The following DGAT2L6 variants were observed in gnomAD, a reference collection of about 807,000 sequenced individuals.
DGAT2L6 encodes diacylglycerol O-acyltransferase 2-like protein 6.
Under a neutral mutation model 25.5 loss-of-function variants are expected in DGAT2L6, and 22 were observed. That is an observed-to-expected ratio of 0.86 (90% CI 0.62 to 1.23). DGAT2L6 has a LOEUF of 1.23. Ranked by LOEUF, DGAT2L6 falls within the 50% of genes most tolerant of loss-of-function variation. The pLI, the probability that DGAT2L6 is intolerant of heterozygous loss-of-function variation, is 0.00. For synonymous variants in DGAT2L6, 100 were observed against 94.7 expected (o/e 1.06, Z -0.32); for missense variants, 287 against 253.2 (o/e 1.13, Z -0.91).
At chrX:70,196,844 A>G (rs2085393722) in intron 1 of DGAT2L6, among the ~76,000 whole-genome samples, 1 of 112,478 alleles carries the variant, frequency 8.9e-6, no homozygotes, top group Admixed American at 9.4e-5. Flanking sequence ...AAAAGATTTG[A>G]ATGGACACTT....
chrX:70,196,369 C>T (rs2085390945), intron 1 of DGAT2L6, among the ~76,000 whole-genome samples: 4 of 106,102 alleles, frequency 3.8e-5, no homozygotes, highest in African/African-American at 6.9e-5. Context: ...GTAGTCCCAG[C>T]CACTCTGGAG....
chrX:70,184,172 T>C (rs1169475416), intron 1 of DGAT2L6, among the ~76,000 whole-genome samples: 2 of 111,832 alleles, frequency 1.8e-5, no homozygotes, highest in Admixed American at 1.9e-4. Context: ...CCCTGTACCA[T>C]AACAGAAACA....
chrX:70,204,067 T>C (rs1238159581), intron 5 of DGAT2L6, among the ~76,000 whole-genome samples: 1 of 111,404 alleles, frequency 9.0e-6, no homozygotes, highest in East Asian at 2.8e-4. Context: ...CTGGATGCAA[T>C]GAAGACAGAG....
At chrX:70,203,298 T>C (rs2085417260) in intron 5 of DGAT2L6, among the ~76,000 whole-genome samples, 1 of 112,255 alleles carries the variant, frequency 8.9e-6, no homozygotes, top group Admixed American at 9.5e-5. Flanking sequence ...CTGATGCATC[T>C]CCAGGGCCTA....
rs1277858330 is a variant in DGAT2L6 at position 70,205,663 on chromosome X, G to T, written c.*557G>T. The T allele has an allele frequency of 8.9e-6, 1 of 111,963 alleles. No homozygotes were observed. The highest frequency in any genetic ancestry group is 1.9e-5 in the Non-Finnish European group (1 of 53,276). The allele number at this position is 111,963 out of a possible 1,213,427, so 9.2% of individuals were successfully genotyped here. A position where few individuals can be genotyped will look rare whatever the true frequency, so the allele number is the denominator to read the frequency against. ...TCTAGATTGGCAATGCAGTTACATTGTTTCTTCTTTGAAAATAAAGTTCTA... is the reference window on the plus strand; with the variant it reads ...TCTAGATTGGCAATGCAGTTACATTTTTTCTTCTTTGAAAATAAAGTTCTA... On this transcript the variant is annotated 3_prime_UTR_variant, in exon 7 of 7. Coordinates refer to ENST00000333026, the MANE Select transcript of DGAT2L6 (RefSeq NM_198512.3).
In DGAT2L6 at chrX:70,194,315, C is replaced by A. The variant is rs187535763; in HGVS notation, c.86-4956C>A. On this transcript the variant is annotated intron_variant, in intron 1 of 6. Coordinates refer to ENST00000333026, the MANE Select transcript of DGAT2L6 (RefSeq NM_198512.3). ...AATTAACATTATTAACATGTCTATA[C>A]TACTCAAAGTGAGCTATAGATCCAA... Among the ~76,000 whole-genome samples, 268 of 111,631 alleles carry A rather than the reference C, an allele frequency of 2.4e-3. 1 individual carries two copies. Among genetic ancestry groups the A allele is most frequent in the African/African-American group, 8.0e-3 (246 of 30,736 alleles).
chrX:70,181,364 T>C lies in DGAT2L6; in HGVS notation c.85+3697T>C, dbSNP rs141278392. On this transcript the variant is annotated intron_variant, in intron 1 of 6. Coordinates refer to ENST00000333026, the MANE Select transcript of DGAT2L6 (RefSeq NM_198512.3). ...TTGATTTGACTTCTTTTAGACTGATTAGCTTTACCATTCCATTTGTCTTTC... is the reference window on the plus strand; with the variant it reads ...TTGATTTGACTTCTTTTAGACTGATCAGCTTTACCATTCCATTTGTCTTTC... 7.5e-3 allele frequency among the ~76,000 whole-genome samples: 849 copies of C among 112,550 alleles called. 12 individuals are homozygous for C. The highest frequency in any genetic ancestry group is 0.026 in the African/African-American group (801 of 31,009).
At chrX:70,179,813 C>T (rs979725326) in intron 1 of DGAT2L6, among the ~76,000 whole-genome samples, 1 of 110,150 alleles carries the variant, frequency 9.1e-6, no homozygotes, top group African/African-American at 3.3e-5. Context: ...GGTGATCCGC[C>T]GACCTAGGCC....
chrX:70,205,441 T>C lies in DGAT2L6; in HGVS notation c.*335T>C. The C allele has an allele frequency of 5.4e-6, 1 of 183,618 alleles. No individual in the cohort carries two copies. The highest frequency in any genetic ancestry group is 1.0e-5 in the Non-Finnish European group (1 of 99,463). The allele number at this position is 183,618 out of a possible 1,213,427, so 15.1% of individuals were successfully genotyped here. On this transcript the variant is annotated 3_prime_UTR_variant, in exon 7 of 7. Coordinates refer to ENST00000333026, the MANE Select transcript of DGAT2L6 (RefSeq NM_198512.3). ...CAGCCAACTCTCTGATCACAAAGAATACTGTGCCCCTTTCTCCTAAACCTT... is the reference window on the plus strand; with the variant it reads ...CAGCCAACTCTCTGATCACAAAGAACACTGTGCCCCTTTCTCCTAAACCTT...
At chrX:70,177,861 T>C (rs2085331761) in intron 1 of DGAT2L6, among the ~76,000 whole-genome samples, 194 bp downstream of exon 1, 1 of 110,281 alleles carries the variant, frequency 9.1e-6, no homozygotes, top group Non-Finnish European at 1.9e-5. Context: ...GCACGGTGGC[T>C]CAGGCCTATA....
chrX:70,197,607 C>T (rs1035812645), intron 1 of DGAT2L6, among the ~76,000 whole-genome samples: 4 of 112,604 alleles, frequency 3.6e-5, no homozygotes, highest in Admixed American at 9.4e-5. Flanking sequence ...AAAACATTTG[C>T]TTATTTCGTT....
At chrX:70,178,212 T>C (rs1042962792) in intron 1 of DGAT2L6, among the ~76,000 whole-genome samples, 4 of 110,643 alleles carry the variant, frequency 3.6e-5, no homozygotes, top group Admixed American at 9.7e-5. Flanking sequence ...AGAGTCATAT[T>C]CAGGGACAGG....
chrX:70,205,057 A>G lies in DGAT2L6; in HGVS notation c.965A>G (p.His322Arg), dbSNP rs987727695. 3 of 1,204,616 alleles carry G rather than the reference A, an allele frequency of 2.5e-6. No individual in the cohort carries two copies. Among genetic ancestry groups the G allele is most frequent in the African/African-American group, 3.5e-5 (2 of 57,476 alleles). ...ISALRKLFDQ[H>R]KVEYGLPETQ... ...GCCCTGCGCAAGCTCTTTGACCAAC[A>G]CAAAGTTGAATATGGCCTCCCTGAG... Residue 322 changes from histidine to arginine, a missense_variant, in exon 7 of 7, where the codon CAC (histidine) becomes CGC (arginine). His to Arg is a conservative substitution (Grantham distance 29). Transcript: ENST00000333026.
chrX:70,196,103 T>A (rs746217099), intron 1 of DGAT2L6, among the ~76,000 whole-genome samples: 1 of 111,204 alleles, frequency 9.0e-6, no homozygotes, highest in East Asian at 2.8e-4. Flanking sequence ...AAATTATACC[T>A]CCATAAAACT....
At chrX:70,201,706 C>A (rs1040658625) in intron 4 of DGAT2L6, among the ~76,000 whole-genome samples, 184 bp from the exon 5 acceptor site, 1 of 110,835 alleles carries the variant, frequency 9.0e-6, no homozygotes, top group African/African-American at 3.3e-5. Flanking sequence ...AAACAGCTGA[C>A]CCTAAGGACC....
chrX:70,185,910 G>A (rs2085358433), intron 1 of DGAT2L6, among the ~76,000 whole-genome samples: 1 of 105,741 alleles, frequency 9.5e-6, no homozygotes, highest in African/African-American at 3.5e-5. Context: ...AAGGCATTGA[G>A]CCAACTGACT....
intron 4 of DGAT2L6, 87 bp downstream of exon 4, chrX:70,200,546 A>G (rs2085406634): frequency 1.1e-6 from 1 of 878,944 alleles, no homozygotes; most frequent in African/African-American, 2.0e-5. Context: ...ACCTGCTTGA[A>G]GAGTACATGA....
intron 1 of DGAT2L6, among the ~76,000 whole-genome samples, chrX:70,182,462 A>G (rs2085346083): frequency 1.0e-5 from 1 of 100,207 alleles, no homozygotes; most frequent in African/African-American, 3.8e-5. Flanking sequence ...AGGTCTTTCA[A>G]AAGCATCTTT....
chrX:70,199,479 A>C, intron 2 of DGAT2L6, 98 bp downstream of exon 2: 1 of 429,244 alleles, frequency 2.3e-6, no homozygotes, highest in Non-Finnish European at 4.0e-6. Context: ...AGGGTAGGGG[A>C]GAGGGGAAGG....
Sources: allele counts gnomAD v4.1 joint callset (sites outside exome capture counted in the v4.1 genomes callset), GRCh38; gene constraint gnomAD v4.1.1; transcripts MANE v1.5; gene names NCBI Gene and HGNC (gene_info 2026-07-23, HGNC 2026-07-21).